Variants in SPRED2 observed in about 807,000 individuals in gnomAD.
SPRED2 encodes sprouty related EVH1 domain containing 2.
Under a neutral mutation model 43.0 loss-of-function variants are expected in SPRED2, and 47 were observed. The observed-to-expected ratio is 1.09, with a 90% CI of 0.87 to 1.40. The LOEUF (loss-of-function observed/expected upper bound fraction) is 1.40. Ranked by LOEUF, SPRED2 falls within the 40% of genes most tolerant of loss-of-function variation. The pLI, the probability that SPRED2 is intolerant of heterozygous loss-of-function variation, is 0.00. For missense variants in SPRED2, 561 were observed against 586.4 expected, an observed-to-expected ratio of 0.96 and a Z score of 0.45; for synonymous variants, 225 against 225.7, an observed-to-expected ratio of 1.00 and a Z score of 0.03.
At chr2:65,404,205 CA>C (rs66929038) in intron 1 of SPRED2, among the ~76,000 whole-genome samples, 16,113 of 135,862 alleles carry the variant, frequency 0.12, 1,227 homozygotes, top group Non-Finnish European at 0.17. Flanking sequence ...GACTCCGTCT[CA>C]AAAAAAAAAA....
chr2:65,360,058 C>G (rs1170934375), intron 1 of SPRED2, among the ~76,000 whole-genome samples: 2 of 128,588 alleles, frequency 1.6e-5, no homozygotes, highest in East Asian at 2.2e-4. Context: ...GAGCGAGACT[C>G]CATCTCAAAA....
chr2:65,314,550 A>G (rs1673181342), intron 5 of SPRED2, among the ~76,000 whole-genome samples: 1 of 152,222 alleles, frequency 6.6e-6, no homozygotes, highest in African/African-American at 2.4e-5. Flanking sequence ...CCTGTGCCCC[A>G]GAGTATCTTC....
At chr2:65,379,888 T>C (rs910916727) in intron 1 of SPRED2, among the ~76,000 whole-genome samples, 3 of 152,204 alleles carry the variant, frequency 2.0e-5, no homozygotes, top group African/African-American at 4.8e-5. Flanking sequence ...TTAGTCATCA[T>C]GAGCCTTGAA....
chr2:65,353,053 G>A (rs541795487), intron 1 of SPRED2, among the ~76,000 whole-genome samples: 2 of 152,320 alleles, frequency 1.3e-5, no homozygotes, highest in South Asian at 2.1e-4. Flanking sequence ...AGGAGGTGGC[G>A]GTGGTAGTCT....
chr2:65,367,406 G>A (rs985432795), intron 1 of SPRED2, among the ~76,000 whole-genome samples: 1 of 152,218 alleles, frequency 6.6e-6, no homozygotes, highest in Non-Finnish European at 1.5e-5. Context: ...CGTATATGCA[G>A]GCTGACTGTA....
intron 1 of SPRED2, among the ~76,000 whole-genome samples, chr2:65,366,421 T>C (rs1674979997): frequency 6.6e-6 from 1 of 152,230 alleles, no homozygotes; most frequent in South Asian, 2.1e-4. Flanking sequence ...AGAGGTTACC[T>C]ATCTGTCCTT....
chr2:65,334,664 G>T lies in SPRED2; in HGVS notation c.314C>A (p.Pro105His), dbSNP rs1673911546. ...NRKFGLTFQS[P>H]ADARAFDRGV... ...CCTGTCAAAGGCTCGGGCATCAGCA[G>T]GGCTTTGGAAAGTAAGTCCAAACTT... Residue 105 changes from proline to histidine, a missense_variant, in exon 3 of 6, where the codon CCT becomes CAT. Transcript: ENST00000356388. The T allele has an allele frequency of 6.2e-7, 1 of 1,614,092 alleles. No homozygotes were observed. Among genetic ancestry groups the T allele is most frequent in the African/African-American group, 1.3e-5 (1 of 74,932 alleles).
chr2:65,322,292 A>ATGT (rs1490204181), intron 4 of SPRED2, among the ~76,000 whole-genome samples: 1 of 70,830 alleles, frequency 1.4e-5, no homozygotes. Context: ...ATATATATAT[A>ATGT]TATTTTTTTT....
At chr2:65,344,533 T>C (rs1488979657) in intron 2 of SPRED2, 186 bp downstream of exon 2, 1 of 761,780 alleles carries the variant, frequency 1.3e-6, no homozygotes, top group Non-Finnish European at 2.3e-6. Context: ...AAAGAGACTT[T>C]GCTGGAAAGG....
chr2:65,331,156 C>G (rs928386936), intron 4 of SPRED2, among the ~76,000 whole-genome samples: 3 of 152,158 alleles, frequency 2.0e-5, no homozygotes, highest in African/African-American at 4.8e-5. Context: ...GCCTATAAAC[C>G]TATAATCCCA....
At chr2:65,333,533 A>C (rs553738057) in intron 3 of SPRED2, among the ~76,000 whole-genome samples, 3 of 152,310 alleles carry the variant, frequency 2.0e-5, no homozygotes, top group East Asian at 3.9e-4. Context: ...AAGTAGGAGA[A>C]TGAAATGTTG....
chr2:65,307,873 T>A (rs1672972437), downstream of SPRED2, among the ~76,000 whole-genome samples: 1 of 151,860 alleles, frequency 6.6e-6, no homozygotes, highest in African/African-American at 2.4e-5. Flanking sequence ...ACCCCACGAA[T>A]CGGAAAGACC....
At chr2:65,375,269 C>T (rs919950643) in intron 1 of SPRED2, among the ~76,000 whole-genome samples, 1 of 152,236 alleles carries the variant, frequency 6.6e-6, no homozygotes, top group Non-Finnish European at 1.5e-5. Flanking sequence ...ATCACAGGAA[C>T]ATTAACTCTT....
At chr2:65,380,078 A>G (rs191950636) in intron 1 of SPRED2, among the ~76,000 whole-genome samples, 1 of 152,308 alleles carries the variant, frequency 6.6e-6, no homozygotes, top group East Asian at 1.9e-4. Context: ...CCTTCCCTTG[A>G]CCTGCACTCA....
rs895494260 is a variant in SPRED2 at position 65,313,744 on chromosome 2, G to C, written c.1014C>G (p.Arg338=). Residue 338 remains arginine (R), a synonymous_variant, in exon 6 of 6, where the codon CGC becomes CGG. Transcript: ENST00000356388. ...DAPDSVRTCI[R]RVSCMWCADS... ...CCGCGCACCACATGCAGCTCACCCG[G>C]CGGATGCAAGTTCTCACGGAGTCGG... The C allele has an allele frequency of 2.5e-6, 4 of 1,614,104 alleles. No homozygotes were observed. Among genetic ancestry groups the C allele is most frequent in the Non-Finnish European group, 3.4e-6 (4 of 1,180,042 alleles).
intron 1 of SPRED2, among the ~76,000 whole-genome samples, chr2:65,388,392 G>T (rs369081053): frequency 1.2e-3 from 183 of 152,320 alleles, no homozygotes; most frequent in African/African-American, 4.3e-3. Context: ...ATGTGGGCAG[G>T]GCCGCCCTGC....
chr2:65,388,119 C>T (rs1675545034), intron 1 of SPRED2, among the ~76,000 whole-genome samples: 1 of 152,222 alleles, frequency 6.6e-6, no homozygotes, highest in Non-Finnish European at 1.5e-5. Flanking sequence ...CACCACGATG[C>T]AGCCATGCAG....
intron 1 of SPRED2, among the ~76,000 whole-genome samples, chr2:65,377,084 T>G (rs2103629799): frequency 6.6e-6 from 1 of 152,378 alleles, no homozygotes; most frequent in East Asian, 1.9e-4. Context: ...ACTATAGGGA[T>G]GTACCATGAT....
chr2:65,377,621 T>A (rs901849865), intron 1 of SPRED2: 13 of 471,110 alleles, frequency 2.8e-5, no homozygotes, highest in African/African-American at 1.2e-4. Context: ...ACCCCCTCCT[T>A]TCCTGGTCAT....
Sources: gnomAD v4.1 joint callset for allele counts (sites outside exome capture counted in the v4.1 genomes callset) on GRCh38, gnomAD v4.1.1 for gene constraint, MANE v1.5 for transcripts, NCBI Gene and HGNC (gene_info 2026-07-23, HGNC 2026-07-21) for gene names.